ZNF407: variants seen among roughly 807,000 people sequenced by gnomAD.
The protein encoded by ZNF407 is zinc finger protein 407.
Under a neutral mutation model 131.2 loss-of-function variants are expected in ZNF407, and 17 were observed. That is an observed-to-expected ratio of 0.13 (90% CI 0.09 to 0.19). The LOEUF is 0.19. ZNF407 is among the 10% of genes least tolerant of loss of function. The pLI is 1.00. For missense variants in ZNF407, 2,681 were observed against 2,830.6 expected, an observed-to-expected ratio of 0.95 and a Z score of 1.20; for synonymous variants, 1,156 against 1,062.0, an observed-to-expected ratio of 1.09 and a Z score of -1.72.
intron 4 of ZNF407, among the ~76,000 whole-genome samples, chr18:74,844,958 A>T (rs1050575628): frequency 3.9e-5 from 6 of 152,328 alleles, no homozygotes; most frequent in Middle Eastern, 6.8e-3. Context: ...GCAAGTTCTG[A>T]AAGTGAAATA....
intron 4 of ZNF407, among the ~76,000 whole-genome samples, chr18:74,855,577 C>T (rs933492093): frequency 5.3e-5 from 8 of 152,042 alleles, no homozygotes; most frequent in African/African-American, 1.9e-4. Flanking sequence ...AAAAGAATAA[C>T]AATATGAATA....
chr18:74,605,797 G>T (rs1435379977), intron 1 of ZNF407, among the ~76,000 whole-genome samples: 1 of 152,074 alleles, frequency 6.6e-6, no homozygotes, highest in Admixed American at 6.6e-5. Flanking sequence ...ACACACATTG[G>T]TATACTAGAA....
Position 75,063,575 on chromosome 18 carries a change from G to A in ZNF407, c.5854G>A (p.Gly1952Ser), listed in dbSNP as rs201870939. ...CGTGGGGGGCTCCATGGAAGGCCAC[G>A]GCATGGATGAGTCCCTCAGTCCAGG... The part of the protein sequence containing the change: ...VVVGGSMEGH[G>S]MDESLSPGGA... Residue 1952 changes from glycine (G) to serine (S), a missense_variant, in exon 9 of 9, where the codon GGC becomes AGC. Around this residue, in one of 6 missense-constraint regions of ZNF407, gnomAD observed 620 missense variants for 583.1 expected, o/e 1.06. Transcript: ENST00000299687. This position sits in a 1 kb window ranked among gnomAD's most constrained non-coding sequence, Gnocchi z 6.6. 122 of 1,568,062 alleles carry A rather than the reference G, an allele frequency of 7.8e-5. No homozygotes were observed. Among genetic ancestry groups the A allele is most frequent in the Middle Eastern group, 3.3e-4 (2 of 6,016 alleles).
chr18:74,844,630 ACAC>A (rs1386321731), intron 4 of ZNF407, among the ~76,000 whole-genome samples: 1 of 152,288 alleles, frequency 6.6e-6, no homozygotes, highest in East Asian at 1.9e-4. Flanking sequence ...AATATTGAAA[ACAC>A]AATCTGATGT....
At position 74,890,823 on chromosome 18, in the gene ZNF407, C is replaced by T. The variant is rs1262504830; in HGVS notation, c.5249+785C>T. Among the ~76,000 whole-genome samples the T allele has an allele frequency of 3.3e-5, 5 of 152,168 alleles. No homozygotes were observed. In the East Asian group the frequency reaches 9.6e-4, roughly 29 times the overall value. ...GGTGAAGTCCTCACAGAGGAGAGAA[C>T]ATCTCAGCCGTGGCGTAAAAAATGG... On this transcript the variant is annotated intron_variant, in intron 7 of 8. Coordinates refer to ENST00000299687, the MANE Select transcript of ZNF407 (RefSeq NM_017757.3).
At chr18:74,851,100 C>T (rs917989107) in intron 4 of ZNF407, among the ~76,000 whole-genome samples, 2 of 152,144 alleles carry the variant, frequency 1.3e-5, no homozygotes, top group African/African-American at 2.4e-5. Flanking sequence ...GATAAATTAA[C>T]GTGTAGAAAA....
At chr18:74,996,504 G>A (rs1295016741) in intron 8 of ZNF407, among the ~76,000 whole-genome samples, 1 of 152,216 alleles carries the variant, frequency 6.6e-6, no homozygotes, top group East Asian at 1.9e-4. Context: ...ACGGCAATAA[G>A]TGTTTAATAG....
Position 74,760,064 on chromosome 18 carries a change from C to G in ZNF407, c.4803-21364C>G, listed in dbSNP as rs148225837. 6.6e-5 allele frequency among the ~76,000 whole-genome samples: 10 copies of G among 152,006 alleles called. No individual in the cohort carries two copies. The East Asian group carries it at 1.9e-3, about 29-fold the overall frequency. On this transcript the variant is annotated intron_variant, in intron 3 of 8. Coordinates refer to ENST00000299687, the MANE Select transcript of ZNF407 (RefSeq NM_017757.3). The stretch of plus-strand genomic sequence containing the variant: ...AATGTGACCACTTTGGAAATCAGAT[C>G]CCTTCCTCCTCAGAGTTTACTTTTG...
intron 3 of ZNF407, among the ~76,000 whole-genome samples, chr18:74,732,109 G>C (rs889665687): frequency 6.6e-6 from 1 of 152,072 alleles, no homozygotes; most frequent in African/African-American, 2.4e-5. Flanking sequence ...TATATTTTTT[G>C]CTGTATTTGA....
rs1160642693 is a variant in ZNF407, at chr18:74,632,666, G to A, written c.1647G>A (p.Arg549=). 2.5e-6 allele frequency: 4 copies of A among 1,614,070 alleles called. No individual in the cohort carries two copies. The highest frequency in any genetic ancestry group is 2.5e-6 in the Non-Finnish European group (3 of 1,179,906). The change falls in exon 2 of 9, where the codon AGG becomes AGA. Residue 549 remains arginine (R), a synonymous_variant. Coordinates refer to ENST00000299687, the MANE Select transcript of ZNF407 (RefSeq NM_017757.3). ...NRTDLEIHVK[R]CHAREMKFYC... ...CAGATTTGGAAATCCATGTGAAAAGGTGCCATGCCAGAGAGATGAAATTTT... is the reference window on the plus strand; with the variant it reads ...CAGATTTGGAAATCCATGTGAAAAGATGCCATGCCAGAGAGATGAAATTTT...
At chr18:74,789,330 C>T (rs958115027) in intron 4 of ZNF407, among the ~76,000 whole-genome samples, 4 of 152,022 alleles carry the variant, frequency 2.6e-5, no homozygotes, top group African/African-American at 7.2e-5. Context: ...TGTTTTGTTC[C>T]GGTGTGCCTT....
rs1395205468 is a variant in ZNF407, at chr18:75,060,666, C to T, written c.5429-2484C>T. ...GATTACAGGCACCCGCCACCGCGCC[C>T]GGCTAATTTTTTGTATTTTTAGTAG... On this transcript the variant is annotated intron_variant, in intron 8 of 8. Coordinates refer to ENST00000299687, the MANE Select transcript of ZNF407 (RefSeq NM_017757.3). Among the ~76,000 whole-genome samples, 9 of 152,090 alleles carry T rather than the reference C, an allele frequency of 5.9e-5. No homozygotes were observed. In the South Asian group the frequency reaches 8.3e-4, roughly 14 times the overall value.
intron 8 of ZNF407, among the ~76,000 whole-genome samples, chr18:74,952,897 G>A (rs1393466202): frequency 6.6e-6 from 1 of 152,166 alleles, no homozygotes. Flanking sequence ...AATGGTTGAC[G>A]GAACACGAGG....
chr18:74,612,554 T>C (rs1248186461), intron 1 of ZNF407, among the ~76,000 whole-genome samples: 1 of 152,206 alleles, frequency 6.6e-6, no homozygotes, highest in African/African-American at 2.4e-5. Context: ...AACTCTTCAG[T>C]TGACCTCCTG....
intron 8 of ZNF407, chr18:75,062,393 A>C (rs8088689): frequency 1.3e-5 from 2 of 152,174 alleles, no homozygotes; most frequent in African/African-American, 4.8e-5. Flanking sequence ...GGGACAGAGA[A>C]GAGGAAGGCT....
At chr18:74,846,988 A>T (rs1250546046) in intron 4 of ZNF407, among the ~76,000 whole-genome samples, 1 of 121,132 alleles carries the variant, frequency 8.3e-6, no homozygotes, top group Non-Finnish European at 1.9e-5. Flanking sequence ...AGCAAGACTT[A>T]GTCTCAAAAA....
chr18:74,815,933 A>G (rs985928660), intron 4 of ZNF407, among the ~76,000 whole-genome samples: 1 of 152,204 alleles, frequency 6.6e-6, no homozygotes, highest in Non-Finnish European at 1.5e-5. Context: ...ATGCCTCCCA[A>G]TAACGTTTTG....
chr18:74,604,074 T>C (rs1052829071), intron 1 of ZNF407, among the ~76,000 whole-genome samples: 2 of 152,174 alleles, frequency 1.3e-5, no homozygotes, highest in African/African-American at 4.8e-5. Context: ...GATAAAAATT[T>C]AGGCATCATC....
chr18:74,956,502 A>G (rs948443902), intron 8 of ZNF407, among the ~76,000 whole-genome samples: 3 of 152,018 alleles, frequency 2.0e-5, no homozygotes, highest in Non-Finnish European at 2.9e-5. Flanking sequence ...TCTTTCTCCA[A>G]TGTCATGAGC....
Sources: allele counts gnomAD v4.1 joint callset (sites outside exome capture counted in the v4.1 genomes callset), GRCh38; gene constraint gnomAD v4.1.1; regional missense constraint gnomAD v4.1.1; non-coding constraint Gnocchi (gnomAD v3.1); transcripts MANE v1.5; gene names NCBI Gene and HGNC (gene_info 2026-07-23, HGNC 2026-07-21).